Variants in NPAS3 observed in about 807,000 individuals in gnomAD.
NPAS3 encodes the protein neuronal PAS domain protein 3, also known as neuronal PAS domain-containing protein 3.
A neutral mutation model predicts 73.1 loss-of-function variants in NPAS3; 14 were observed. The observed-to-expected ratio is 0.19, with a 90% confidence interval of 0.13 to 0.30. The LOEUF (loss-of-function observed/expected upper bound fraction) is 0.30, where lower values mean the gene tolerates loss of function less well. NPAS3 is among the 10% of genes least tolerant of loss of function. The pLI, the probability that NPAS3 is intolerant of heterozygous loss-of-function variation, is 1.00. For synonymous variants in NPAS3, 620 were observed against 541.5 expected, an observed-to-expected ratio of 1.14 and a Z score of -2.01; for missense variants, 1,096 against 1,250.0, an observed-to-expected ratio of 0.88 and a Z score of 1.86.
At chr14:33,496,437 A>G (rs1380585748) in intron 4 of NPAS3, among the ~76,000 whole-genome samples, 4 of 152,168 alleles carry the variant, frequency 2.6e-5, no homozygotes, top group Middle Eastern at 3.2e-3. Flanking sequence ...ATGAACATCA[A>G]TGCAAAAATC....
chr14:33,664,762 T>C (rs1357641774), intron 5 of NPAS3, among the ~76,000 whole-genome samples: 3 of 152,140 alleles, frequency 2.0e-5, no homozygotes, highest in Non-Finnish European at 2.9e-5. Context: ...GAAAAAAGGC[T>C]CAACATCACT....
At chr14:33,377,891 T>C (rs1262907978) in intron 4 of NPAS3, among the ~76,000 whole-genome samples, 1 of 152,190 alleles carries the variant, frequency 6.6e-6, no homozygotes, top group Non-Finnish European at 1.5e-5. Flanking sequence ...CCATGCCTAA[T>C]TTGCATCAGG....
At chr14:33,580,616 C>T (rs1272589127) in intron 5 of NPAS3, among the ~76,000 whole-genome samples, 1 of 152,156 alleles carries the variant, frequency 6.6e-6, no homozygotes, top group Non-Finnish European at 1.5e-5. Flanking sequence ...TGCCTGCTGC[C>T]TCATTTCTTT....
At chr14:33,597,325 T>C (rs1229188003) in intron 5 of NPAS3, among the ~76,000 whole-genome samples, 1 of 152,246 alleles carries the variant, frequency 6.6e-6, no homozygotes, top group African/African-American at 2.4e-5. Context: ...CCAGTATGGC[T>C]GCTCATTTCA....
chr14:33,076,715 A>G (rs1238279483), intron 2 of NPAS3, among the ~76,000 whole-genome samples: 2 of 152,234 alleles, frequency 1.3e-5, no homozygotes, highest in East Asian at 3.9e-4. Context: ...GCTGAAAGGC[A>G]TAACTGAGTA....
chr14:33,008,179 C>T lies in NPAS3; in HGVS notation c.51-47726C>T, dbSNP rs187862766. Among the ~76,000 whole-genome samples, 39 of 152,146 alleles carry T rather than the reference C, an allele frequency of 2.6e-4. No individual in the cohort carries two copies. The South Asian group carries it at 3.7e-3, about 15-fold the overall frequency. On this transcript the variant is annotated intron_variant, in intron 1 of 11. Coordinates refer to ENST00000356141, the Ensembl canonical transcript of NPAS3. ...TATAAAAGCAAGAAAGAGAAACAGC[C>T]TAAATGTTCATTGATGGAGAACTGG...
chr14:33,053,973 G>A (rs1436583768), intron 1 of NPAS3, among the ~76,000 whole-genome samples: 9 of 152,096 alleles, frequency 5.9e-5, no homozygotes, highest in Admixed American at 5.9e-4. Context: ...AGCATAAAAT[G>A]ACACTGAACA....
Position 33,065,236 on chromosome 14 carries a change from T to C in NPAS3, c.140+9242T>C, listed in dbSNP as rs535579191. On this transcript the variant is annotated intron_variant, in intron 2 of 11. Transcript: ENST00000356141. ...TAGTTTTGCAGTTATAGAACGAAGC[T>C]AGTGGTGAGAAAGGTGTGGTGAGAA... Among the ~76,000 whole-genome samples, 12 of 152,270 alleles carry C rather than the reference T, an allele frequency of 7.9e-5. No homozygotes were observed. The South Asian group carries it at 2.3e-3, about 29-fold the overall frequency.
At chr14:33,059,803 G>T (rs1416000545) in intron 2 of NPAS3, among the ~76,000 whole-genome samples, 1 of 152,170 alleles carries the variant, frequency 6.6e-6, no homozygotes, top group Admixed American at 6.5e-5. Context: ...CTATAACTTT[G>T]AACTTTATTG....
rs1429908640 is a variant in NPAS3, at chr14:33,800,650, C to G, written c.2343C>G (p.Ser781=). 1 of 1,498,230 alleles carries G rather than the reference C, an allele frequency of 6.7e-7. No individual in the cohort carries two copies. The highest frequency in any genetic ancestry group is 8.8e-7 in the Non-Finnish European group (1 of 1,131,690). The allele number at this position is 1,498,230 out of a possible 1,614,324, so 92.8% of individuals were successfully genotyped here. Reference sequence around the variant, plus strand: ...CGGGGGGCGGCGGCCCCAGCGCGTCCAACTCCTTGCTGTACACTGGGGACC... The same window carrying G: ...CGGGGGGCGGCGGCCCCAGCGCGTCGAACTCCTTGCTGTACACTGGGGACC... The change falls in exon 12 of 12, where the codon TCC becomes TCG. Residue 781 remains serine, a synonymous_variant. Transcript: ENST00000356141. This position sits in a 1 kb window ranked among gnomAD's most constrained non-coding sequence, Gnocchi z 6.5.
chr14:33,788,233 G>A (rs1415980809), intron 9 of NPAS3, among the ~76,000 whole-genome samples: 1 of 152,178 alleles, frequency 6.6e-6, no homozygotes, highest in Admixed American at 6.5e-5. Context: ...TTTTGAGTCT[G>A]TAGCAGAAGG....
chr14:33,094,214 T>C (rs771809687), intron 2 of NPAS3, among the ~76,000 whole-genome samples: 1 of 152,178 alleles, frequency 6.6e-6, no homozygotes, highest in Non-Finnish European at 1.5e-5. Flanking sequence ...TCTATTCAGA[T>C]AATTTACAAC....
At chr14:33,503,653 G>T (rs1047941055) in intron 4 of NPAS3, among the ~76,000 whole-genome samples, 1 of 151,882 alleles carries the variant, frequency 6.6e-6, no homozygotes, top group Non-Finnish European at 1.5e-5. Context: ...CATTAAAAAT[G>T]TAATTCATTA....
chr14:33,377,816 C>T (rs946771259), intron 4 of NPAS3, among the ~76,000 whole-genome samples: 16 of 152,044 alleles, frequency 1.1e-4, no homozygotes, highest in Admixed American at 9.8e-4. Flanking sequence ...CCTCAAGTGG[C>T]CAGGTTCTAG....
intron 1 of NPAS3, among the ~76,000 whole-genome samples, chr14:32,970,263 ATGTT>A (rs568557648): frequency 4.6e-4 from 70 of 152,218 alleles, no homozygotes; most frequent in African/African-American, 1.6e-3. Flanking sequence ...AAAAGACAAA[ATGTT>A]TGTCGTTACA....
intron 3 of NPAS3, among the ~76,000 whole-genome samples, chr14:33,270,939 C>T (rs1234172164): frequency 6.6e-6 from 1 of 152,132 alleles, no homozygotes; most frequent in African/African-American, 2.4e-5. Context: ...CCCCTTCACC[C>T]TCTGAATGTT....
At chr14:33,609,802 A>G (rs548145164) in intron 5 of NPAS3, among the ~76,000 whole-genome samples, 37 of 152,078 alleles carry the variant, frequency 2.4e-4, no homozygotes, top group African/African-American at 8.2e-4. Context: ...TGTTCCTCCC[A>G]TTCTGCAGCG....
At chr14:33,733,316 A>G (rs1716900061) in intron 6 of NPAS3, among the ~76,000 whole-genome samples, 1 of 146,304 alleles carries the variant, frequency 6.8e-6, no homozygotes, top group African/African-American at 2.8e-5. Flanking sequence ...TTGGGAGGAA[A>G]AAAAAAAAAA....
rs57708796 is a variant in NPAS3 at position 33,308,553 on chromosome 14, C to T, written c.386-58633C>T. The stretch of plus-strand genomic sequence containing the variant: ...ACATACACACACACACACACACACA[C>T]ACATACATACATTATATATATGTAT... On this transcript the variant is annotated intron_variant, in intron 3 of 11. Coordinates refer to ENST00000356141, the Ensembl canonical transcript of NPAS3. 9.9e-3 allele frequency among the ~76,000 whole-genome samples: 1,126 copies of T among 113,868 alleles called. 46 individuals are homozygous for T. The highest frequency in any genetic ancestry group is 0.042 in the African/African-American group (1,053 of 25,328). The allele number at this position is 113,868 out of a possible 152,430, so 74.7% of individuals were successfully genotyped here.
Sources: allele counts gnomAD v4.1 joint callset (sites outside exome capture counted in the v4.1 genomes callset), GRCh38; gene constraint gnomAD v4.1.1; non-coding constraint Gnocchi (gnomAD v3.1); transcripts MANE v1.5; gene names NCBI Gene and HGNC (gene_info 2026-07-23, HGNC 2026-07-21).